The following CRTC3 variants were observed in gnomAD, a reference collection of about 807,000 sequenced individuals.
The protein encoded by CRTC3 is CREB regulated transcription coactivator 3.
CRTC3 carries 26 observed loss-of-function variants against 74.5 expected under a neutral mutation model. That is an observed-to-expected ratio of 0.35 (90% confidence interval 0.26 to 0.48). The LOEUF (loss-of-function observed/expected upper bound fraction) is 0.48, where lower values mean the gene tolerates loss of function less well. CRTC3 is among the 20% of genes least tolerant of loss of function. The pLI is 0.99. For missense variants in CRTC3, 760 were observed against 787.3 expected, an observed-to-expected ratio of 0.97 and a Z score of 0.41; for synonymous variants, 377 against 325.8, an observed-to-expected ratio of 1.16 and a Z score of -1.69.
intron 2 of CRTC3, among the ~76,000 whole-genome samples, chr15:90,576,192 C>A (rs1967399439): frequency 6.6e-6 from 1 of 151,822 alleles, no homozygotes; most frequent in Non-Finnish European, 1.5e-5. Flanking sequence ...CCACTTGAGC[C>A]CAGGAAATTG....
At chr15:90,611,931 C>G (rs1376167828) in intron 6 of CRTC3, among the ~76,000 whole-genome samples, 1 of 152,140 alleles carries the variant, frequency 6.6e-6, no homozygotes, top group Non-Finnish European at 1.5e-5. Context: ...CAGCAGCCTG[C>G]TTCGGTCCAG....
At position 90,644,795 on chromosome 15, in the gene CRTC3, T is replaced by A. The variant is rs188719404; in HGVS notation, c.*2655T>A. ...AAAACCAGTTGTGGTCCTCAGCATT[T>A]GAAGCAGCTGCATACTTCAGAGTAA... On this transcript the variant is annotated 3_prime_UTR_variant, in exon 15 of 15. Transcript: ENST00000268184. The A allele has an allele frequency of 8.6e-6, 2 of 232,684 alleles. No individual in the cohort carries two copies. The highest frequency in any genetic ancestry group is 4.4e-5 in the African/African-American group (2 of 45,444). 14.4% of individuals were successfully genotyped at this position (232,684 alleles called of 1,614,324 possible). A position where few individuals can be genotyped will look rare whatever the true frequency, so the allele number is the denominator to read the frequency against.
chr15:90,628,800 C>T (rs1007081420), intron 10 of CRTC3, among the ~76,000 whole-genome samples: 2 of 151,672 alleles, frequency 1.3e-5, no homozygotes, highest in African/African-American at 2.4e-5. Context: ...GGCCATGACT[C>T]GCCGTGGAAG....
intron 11 of CRTC3, among the ~76,000 whole-genome samples, chr15:90,635,817 A>G (rs4932361): frequency 0.27 from 41,429 of 151,936 alleles, 7,095 homozygotes; most frequent in African/African-American, 0.49. Context: ...ATTTCTTCTA[A>G]AGAATAAAAT....
chr15:90,538,487 C>T (rs1966754083), intron 1 of CRTC3, among the ~76,000 whole-genome samples: 1 of 152,064 alleles, frequency 6.6e-6, no homozygotes, highest in Non-Finnish European at 1.5e-5. Context: ...TTAAAATTTC[C>T]AAACAAGTAT....
intron 9 of CRTC3, 107 bp downstream of exon 9, chr15:90,619,897 T>TAGCAATTG: frequency 1.1e-6 from 1 of 903,892 alleles, no homozygotes; most frequent in Non-Finnish European, 1.8e-6. Flanking sequence ...TTGCTATGCA[T>TAGCAATTG]AAATTGAAAG....
rs938163281 is a variant in CRTC3 at position 90,586,594 on chromosome 15, C to G, written c.232-7042C>G. Among the ~76,000 whole-genome samples the G allele has an allele frequency of 1.4e-4, 21 of 152,004 alleles. 1 individual carries two copies. The highest frequency in any genetic ancestry group is 3.9e-4 in the African/African-American group (16 of 41,368). Reference sequence around the variant, plus strand: ...CCATGGCTGGTCTTGAACTCCTGACCTCATGATCACCCACCTTGGCCTCCC... The same window carrying G: ...CCATGGCTGGTCTTGAACTCCTGACGTCATGATCACCCACCTTGGCCTCCC... On this transcript the variant is annotated intron_variant, in intron 2 of 14. Transcript: ENST00000268184.
chr15:90,598,669 G>A lies in CRTC3; in HGVS notation c.352-3655G>A, dbSNP rs147307956. 23 of 620,192 alleles carry A rather than the reference G, an allele frequency of 3.7e-5. No homozygotes were observed. The African/African-American group carries it at 3.8e-4, about 10-fold the overall frequency. The allele number at this position is 620,192 out of a possible 1,614,324, so 38.4% of individuals were successfully genotyped here. The stretch of plus-strand genomic sequence containing the variant: ...GGGACAGTGATTGGTTGGATTTTTG[G>A]TAGAATTTGAGCTGTCTTGGGTACT... On this transcript the variant is annotated intron_variant, in intron 3 of 14. Coordinates refer to ENST00000268184, the MANE Select transcript of CRTC3 (RefSeq NM_022769.5).
At chr15:90,594,435 C>T (rs903832339) in intron 3 of CRTC3, 2 of 152,256 alleles carry the variant, frequency 1.3e-5, no homozygotes, top group Non-Finnish European at 2.9e-5. Flanking sequence ...CAGAACTGAG[C>T]TGGATTTTTT....
chr15:90,588,268 A>AAG (rs1239685387), intron 2 of CRTC3, among the ~76,000 whole-genome samples: 1 of 151,158 alleles, frequency 6.6e-6, no homozygotes, highest in Non-Finnish European at 1.5e-5. Flanking sequence ...TCAAAAAAAA[A>AAG]AAAAAGTAAG....
At chr15:90,636,806 CTCA>C (rs1969255779) in intron 11 of CRTC3, among the ~76,000 whole-genome samples, 1 of 152,264 alleles carries the variant, frequency 6.6e-6, no homozygotes, top group Admixed American at 6.5e-5. Context: ...TGAAAAAATG[CTCA>C]TCATCACTGG....
Position 90,644,275 on chromosome 15 carries a change from CA to C in CRTC3, c.*2139del. The stretch of plus-strand genomic sequence containing the variant: ...CAATGCTACCCAGCACCCCATGTGC[CA>C]AAAGAAACCAGCTCCTGTGTCAAAG... On this transcript the variant is annotated 3_prime_UTR_variant, in exon 15 of 15. Coordinates refer to ENST00000268184, the MANE Select transcript of CRTC3 (RefSeq NM_022769.5). The C allele has an allele frequency of 4.4e-6, 1 of 229,488 alleles. No individual in the cohort carries two copies. 14.2% of individuals were successfully genotyped at this position (229,488 alleles called of 1,614,324 possible).
At chr15:90,590,826 G>T (rs1037621480) in intron 2 of CRTC3, among the ~76,000 whole-genome samples, 1 of 152,218 alleles carries the variant, frequency 6.6e-6, no homozygotes, top group African/African-American at 2.4e-5. Flanking sequence ...CAGTGAAGAA[G>T]AGAAGAAAAT....
At chr15:90,580,199 A>T (rs1967504497) in intron 2 of CRTC3, among the ~76,000 whole-genome samples, 1 of 152,070 alleles carries the variant, frequency 6.6e-6, no homozygotes, top group African/African-American at 2.4e-5. Context: ...ATTCTTCTGG[A>T]GACTGAGGAA....
chr15:90,611,920 C>A (rs1318479803), intron 6 of CRTC3, among the ~76,000 whole-genome samples: 3 of 152,110 alleles, frequency 2.0e-5, no homozygotes, highest in Non-Finnish European at 4.4e-5. Context: ...TGCCAAATGA[C>A]CAGCAGCCTG....
At chr15:90,636,437 C>A (rs934682183) in intron 11 of CRTC3, among the ~76,000 whole-genome samples, 29 of 149,732 alleles carry the variant, frequency 1.9e-4, no homozygotes, top group Non-Finnish European at 4.5e-5. Flanking sequence ...AATGTTAGAC[C>A]TAAAACCATA....
At chr15:90,556,246 T>C (rs902078686) in intron 2 of CRTC3, among the ~76,000 whole-genome samples, 3 of 152,300 alleles carry the variant, frequency 2.0e-5, no homozygotes, top group Admixed American at 2.0e-4. Flanking sequence ...TAATGAATAA[T>C]ATGGTAATAA....
At chr15:90,618,722 G>C (rs536184746) in intron 8 of CRTC3, among the ~76,000 whole-genome samples, 1 of 152,344 alleles carries the variant, frequency 6.6e-6, no homozygotes, top group Non-Finnish European at 1.5e-5. Flanking sequence ...AAGTCTACCA[G>C]AGTCACCATT....
In CRTC3 at chr15:90,643,114, C is replaced by T. The variant is rs1467780351; in HGVS notation, c.*974C>T. The T allele has an allele frequency of 4.3e-6, 1 of 232,244 alleles. No homozygotes were observed. Among genetic ancestry groups the T allele is most frequent in the Non-Finnish European group, 8.5e-6 (1 of 117,382 alleles). 14.4% of individuals were successfully genotyped at this position (232,244 alleles called of 1,614,324 possible). On this transcript the variant is annotated 3_prime_UTR_variant, in exon 15 of 15. Transcript: ENST00000268184. ...CCCTAGACCGTAAGCTCCTTGAGGG[C>T]AGGGACAGTGCCTTATCATTGTTGA... is the stretch of plus-strand genomic sequence containing the variant.
Sources: gnomAD v4.1 joint callset for allele counts (sites outside exome capture counted in the v4.1 genomes callset) on GRCh38, gnomAD v4.1.1 for gene constraint, MANE v1.5 for transcripts, NCBI Gene and HGNC (gene_info 2026-07-23, HGNC 2026-07-21) for gene names.